Variants in LINGO2 observed in about 807,000 individuals in gnomAD.
LINGO2 encodes leucine-rich repeat and immunoglobulin-like domain-containing nogo receptor-interacting protein 2.
LINGO2 carries 14 observed loss-of-function variants against 30.6 expected under a neutral mutation model. The ratio of observed to expected loss-of-function variants is 0.46; its 90% CI spans 0.30 to 0.72. LINGO2 has a LOEUF of 0.72. Ranked by LOEUF, LINGO2 falls within the 30% of genes least tolerant of loss-of-function variation. LINGO2 has a pLI of 0.07. For missense variants in LINGO2, 729 were observed against 751.7 expected, an observed-to-expected ratio of 0.97 and a Z score of 0.35; for synonymous variants, 317 against 288.5, an observed-to-expected ratio of 1.10 and a Z score of -1.00.
chr9:29,015,548 T>C, the LINGO2 span, among the ~76,000 whole-genome samples: 1 of 152,142 alleles, frequency 6.6e-6, no homozygotes, highest in Admixed American at 6.6e-5. Context: ...TAAAATTTTA[T>C]TTACAAAATA....
the LINGO2 span, among the ~76,000 whole-genome samples, chr9:28,853,310 A>G: frequency 6.6e-6 from 1 of 152,034 alleles, no homozygotes; most frequent in African/African-American, 2.4e-5. Flanking sequence ...CTGCACTCAT[A>G]CAAACTTGAA....
chr9:28,979,630 T>C, the LINGO2 span, among the ~76,000 whole-genome samples: 1 of 152,174 alleles, frequency 6.6e-6, no homozygotes, highest in East Asian at 1.9e-4. Flanking sequence ...ATACTATACA[T>C]TGTTTATTAT....
chr9:28,009,731 TG>T (rs1265564436), intron 5 of LINGO2, among the ~76,000 whole-genome samples: 21 of 152,338 alleles, frequency 1.4e-4, no homozygotes, highest in Admixed American at 3.9e-4. Flanking sequence ...GACAATGATG[TG>T]GAGATATGGG....
chr9:28,305,398 T>A (rs1824306236), intron 3 of LINGO2, among the ~76,000 whole-genome samples: 1 of 151,942 alleles, frequency 6.6e-6, no homozygotes, highest in Non-Finnish European at 1.5e-5. Flanking sequence ...ATAAAAGGCA[T>A]CCAAATTAGA....
At chr9:28,863,896 A>C in the LINGO2 span, among the ~76,000 whole-genome samples, 1 of 152,138 alleles carries the variant, frequency 6.6e-6, no homozygotes, top group Non-Finnish European at 1.5e-5. Flanking sequence ...CTTAAAAATA[A>C]ATGCATGCTT....
the LINGO2 span, among the ~76,000 whole-genome samples, chr9:28,785,776 A>G: frequency 6.6e-6 from 1 of 152,158 alleles, no homozygotes; most frequent in African/African-American, 2.4e-5. Context: ...TTGCAATAGC[A>G]ATATATAAGC....
In LINGO2 at chr9:28,021,852, G is replaced by A. The variant is rs10968287; in HGVS notation, c.-86-9447C>T. On this transcript the variant is annotated intron_variant, in intron 4 of 5. Transcript: ENST00000379992. ...TTTTTTCCATCTTTGTTTTTAAGCC[G>A]AATCTTGATCTTTAAAGTGGGTTTT... 0.015 allele frequency among the ~76,000 whole-genome samples: 2,137 copies of A among 138,640 alleles called. 209 individuals are homozygous for A. In the East Asian group the frequency reaches 0.27, roughly 18 times the overall value. The allele number at this position is 138,640 out of a possible 152,430, so 91.0% of individuals were successfully genotyped here. A position where few individuals can be genotyped will look rare whatever the true frequency, so the allele number is the denominator to read the frequency against.
chr9:28,123,134 G>A (rs1035810441), intron 4 of LINGO2, among the ~76,000 whole-genome samples: 13 of 152,212 alleles, frequency 8.5e-5, no homozygotes, highest in African/African-American at 3.1e-4. Context: ...AAATTTGAGA[G>A]GATTGAATAA....
intron 3 of LINGO2, among the ~76,000 whole-genome samples, chr9:28,369,440 A>G (rs901621574): frequency 6.6e-6 from 1 of 152,220 alleles, no homozygotes; most frequent in Non-Finnish European, 1.5e-5. Flanking sequence ...TAACCACTAC[A>G]CGTGCTGCCA....
chr9:28,908,793 G>A, the LINGO2 span, among the ~76,000 whole-genome samples: 2 of 151,864 alleles, frequency 1.3e-5, no homozygotes, highest in African/African-American at 2.4e-5. Flanking sequence ...CATTTGTTAA[G>A]GTTCCTCTTC....
the LINGO2 span, among the ~76,000 whole-genome samples, chr9:28,794,815 TTTTTC>T: frequency 5.3e-5 from 8 of 151,624 alleles, no homozygotes; most frequent in Non-Finnish European, 1.2e-4. Context: ...TTATAAATTT[TTTTTC>T]TTTTCTTTTT....
the LINGO2 span, among the ~76,000 whole-genome samples, chr9:28,882,851 T>C: frequency 0.075 from 11,416 of 152,244 alleles, 520 homozygotes; most frequent in South Asian, 0.19. Flanking sequence ...ATCCTGTCTC[T>C]TTTCTGTAGT....
the LINGO2 span, among the ~76,000 whole-genome samples, chr9:28,730,568 GT>G: frequency 6.6e-6 from 1 of 152,150 alleles, no homozygotes; most frequent in Non-Finnish European, 1.5e-5. Flanking sequence ...TAAAGGACTA[GT>G]TTTTAGAATA....
At chr9:29,108,995 C>G in the LINGO2 span, among the ~76,000 whole-genome samples, 1 of 152,126 alleles carries the variant, frequency 6.6e-6, no homozygotes, top group South Asian at 2.1e-4. Flanking sequence ...TAGCTAGAAC[C>G]ATTTTGCTAA....
the LINGO2 span, among the ~76,000 whole-genome samples, chr9:29,168,383 G>T: frequency 3.9e-5 from 6 of 152,084 alleles, no homozygotes; most frequent in Non-Finnish European, 8.8e-5. Context: ...TGCTTAAGTA[G>T]CAACGCCCTG....
At chr9:28,859,490 A>T in the LINGO2 span, among the ~76,000 whole-genome samples, 200 of 152,188 alleles carry the variant, frequency 1.3e-3, no homozygotes, top group African/African-American at 4.6e-3. Flanking sequence ...TCATAGACAA[A>T]ATATTTCCCT....
intron 3 of LINGO2, among the ~76,000 whole-genome samples, chr9:28,330,598 A>G (rs1053931631): frequency 1.3e-5 from 2 of 152,170 alleles, no homozygotes; most frequent in South Asian, 2.1e-4. Context: ...GAATTATACG[A>G]ATAAATAAAT....
intron 4 of LINGO2, among the ~76,000 whole-genome samples, chr9:28,239,930 G>A (rs751700139): frequency 2.1e-4 from 32 of 152,120 alleles, no homozygotes; most frequent in Admixed American, 4.6e-4. Context: ...AACAAATTCA[G>A]TAAAGTTGCA....
intron 4 of LINGO2, among the ~76,000 whole-genome samples, chr9:28,257,570 A>G (rs1822424498): frequency 6.6e-6 from 1 of 151,966 alleles, no homozygotes; most frequent in Non-Finnish European, 1.5e-5. Context: ...AAATAATTCC[A>G]TAAGTAAGAT....
Sources: allele counts gnomAD v4.1 joint callset (sites outside exome capture counted in the v4.1 genomes callset), GRCh38; gene constraint gnomAD v4.1.1; transcripts MANE v1.5; gene names NCBI Gene and HGNC (gene_info 2026-07-23, HGNC 2026-07-21).